The following GPATCH1 variants were observed in gnomAD, a reference collection of about 807,000 sequenced individuals.
GPATCH1 encodes the protein G-patch domain containing 1.
GPATCH1 carries 73 observed loss-of-function variants against 114.9 expected under a neutral mutation model. The observed-to-expected ratio is 0.64, with a 90% CI of 0.53 to 0.77. The LOEUF (loss-of-function observed/expected upper bound fraction) is 0.77. Among genes scored for constraint, GPATCH1 ranks in the 30% least tolerant of loss-of-function variants. The probability of loss-of-function intolerance (pLI) is 0.00; values close to 1 mark genes in which losing one functional copy is unlikely to be tolerated. For missense variants in GPATCH1, 1,058 were observed against 1,144.3 expected, an observed-to-expected ratio of 0.92 and a Z score of 1.09; for synonymous variants, 391 against 428.4, an observed-to-expected ratio of 0.91 and a Z score of 1.08.
chr19:33,091,235 C>A (rs974080995), intron 3 of GPATCH1, among the ~76,000 whole-genome samples: 10 of 151,948 alleles, frequency 6.6e-5, no homozygotes, highest in Admixed American at 6.6e-4. Flanking sequence ...CACGGTGAAA[C>A]CCCGTCTCTA....
chr19:33,119,612 C>T (rs982992709), intron 17 of GPATCH1, among the ~76,000 whole-genome samples: 4 of 151,602 alleles, frequency 2.6e-5, no homozygotes, highest in African/African-American at 4.8e-5. Flanking sequence ...GCAGAAGAAT[C>T]GCTTGAACCC....
At position 33,096,245 on chromosome 19, in the gene GPATCH1, T is replaced by G; in HGVS notation, c.651T>G (p.Phe217Leu). Residue 217 changes from phenylalanine to leucine, a missense_variant, in exon 7 of 20, where the codon TTT (phenylalanine) becomes TTG (leucine). Physicochemically the swap from Phe to Leu is conservative, Grantham distance 22. Coordinates refer to ENST00000170564, the MANE Select transcript of GPATCH1 (RefSeq NM_018025.3). ...ACTACTTGCCTGATAATGTGACCTT[T>G]GCACCCAAAGATGTCACACCTGTGG... ...DDDYLPDNVT[F>L]APKDVTPVDF... 1 of 1,613,776 alleles carries G rather than the reference T, an allele frequency of 6.2e-7. No individual in the cohort carries two copies. The highest frequency in any genetic ancestry group is 8.5e-7 in the Non-Finnish European group (1 of 1,179,640).
intron 15 of GPATCH1, among the ~76,000 whole-genome samples, chr19:33,116,906 G>A (rs1420571658): frequency 2.6e-5 from 4 of 151,948 alleles, no homozygotes; most frequent in African/African-American, 7.3e-5. Flanking sequence ...CATTCAAATT[G>A]TCCTCAGGCT....
intron 1 of GPATCH1, among the ~76,000 whole-genome samples, chr19:33,085,473 A>G (rs1972526223): frequency 6.6e-6 from 1 of 151,966 alleles, no homozygotes; most frequent in African/African-American, 2.4e-5. Flanking sequence ...GGGCCTCTCA[A>G]AGTGCTGGGA....
Position 33,130,351 on chromosome 19 carries a change from T to C in GPATCH1, c.*191T>C, listed in dbSNP as rs981731626. The stretch of plus-strand genomic sequence containing the variant: ...ATTGATTTCTATTTTTAATTTCAGT[T>C]AGTATCGGGGGAAAAAAATCCAGAC... On this transcript the variant is annotated 3_prime_UTR_variant, in exon 20 of 20. Transcript: ENST00000170564. 8 of 431,288 alleles carry C rather than the reference T, an allele frequency of 1.9e-5. No individual in the cohort carries two copies. The highest frequency in any genetic ancestry group is 3.3e-5 in the Non-Finnish European group (8 of 244,346). 26.7% of individuals were successfully genotyped at this position (431,288 alleles called of 1,614,324 possible). A position where few individuals can be genotyped will look rare whatever the true frequency, so the allele number is the denominator to read the frequency against.
chr19:33,083,376 C>T (rs902999261), intron 1 of GPATCH1, among the ~76,000 whole-genome samples: 2 of 150,616 alleles, frequency 1.3e-5, no homozygotes, highest in African/African-American at 4.9e-5. Flanking sequence ...CTCTCTACGC[C>T]TGGCCCCAAC....
rs1453226842 is a variant in GPATCH1, at chr19:33,081,266, G to A, written c.73G>A (p.Gly25Ser). ...GACCGGGCTGGAGCCTCTGGAAGAA[G>A]GTGCGGGCCGCGTGGGCCGGCGGAG... is the stretch of plus-strand genomic sequence containing the variant. Reference protein sequence around the residue: ...YGTGLEPLEEGERPKKPIPLQ... With the variant: ...YGTGLEPLEESERPKKPIPLQ... Residue 25 changes from glycine (G) to serine (S), a missense_variant and splice_region_variant, in exon 1 of 20, where the codon GGT becomes AGT. Gly to Ser is a moderately conservative substitution (Grantham distance 56). This residue lies in a region of GPATCH1 where 131 missense variants were observed against 107.2 expected (regional missense o/e 1.22). Transcript: ENST00000170564. The A allele has an allele frequency of 1.0e-5, 16 of 1,551,324 alleles. No individual in the cohort carries two copies. The highest frequency in any genetic ancestry group is 1.3e-5 in the Non-Finnish European group (15 of 1,146,700).
At position 33,081,325 on chromosome 19, in the gene GPATCH1, G is replaced by A. The variant is rs1972473626; in HGVS notation, c.73+59G>A. On this transcript the variant is annotated intron_variant, in intron 1 of 19. Coordinates refer to ENST00000170564, the MANE Select transcript of GPATCH1 (RefSeq NM_018025.3). ...AAACAGGCCAAGGGCCCAGGATTCGGGCCACAAAAGCACAAGTCGGTGCTG... is the reference window on the plus strand; with the variant it reads ...AAACAGGCCAAGGGCCCAGGATTCGAGCCACAAAAGCACAAGTCGGTGCTG... 19 of 1,388,464 alleles carry A rather than the reference G, an allele frequency of 1.4e-5. No homozygotes were observed. In the South Asian group the frequency reaches 2.1e-4, roughly 15 times the overall value. 86.0% of individuals were successfully genotyped at this position (1,388,464 alleles called of 1,614,324 possible).
chr19:33,100,902 G>A (rs1374256139), intron 8 of GPATCH1, among the ~76,000 whole-genome samples: 1 of 152,036 alleles, frequency 6.6e-6, no homozygotes, highest in Non-Finnish European at 1.5e-5. Flanking sequence ...TTTTGTTGGT[G>A]GGGTTGTCTC....
At chr19:33,124,668 TC>T (rs1973020226) in intron 17 of GPATCH1, among the ~76,000 whole-genome samples, 1 of 152,200 alleles carries the variant, frequency 6.6e-6, no homozygotes, top group Non-Finnish European at 1.5e-5. Context: ...ATTCTTATTG[TC>T]CCCATTTTAT....
intron 11 of GPATCH1, among the ~76,000 whole-genome samples, chr19:33,111,240 C>T (rs565116429): frequency 2.0e-5 from 3 of 151,422 alleles, no homozygotes; most frequent in Non-Finnish European, 4.4e-5. Context: ...AAAAATTAGC[C>T]GGGCATGGTG....
chr19:33,089,665 G>A (rs369493680), intron 2 of GPATCH1, among the ~76,000 whole-genome samples: 6 of 150,440 alleles, frequency 4.0e-5, no homozygotes, highest in East Asian at 1.9e-4. Flanking sequence ...CTGTCGCCCA[G>A]GCTGGAGTGC....
chr19:33,094,040 T>C, intron 4 of GPATCH1, 132 bp from the exon 5 acceptor site: 1 of 628,234 alleles, frequency 1.6e-6, no homozygotes. Context: ...TCACGCCAGA[T>C]GTAATGTGGG....
At chr19:33,129,965 C>G (rs892315414) in intron 19 of GPATCH1, among the ~76,000 whole-genome samples, 165 bp from the exon 20 acceptor site, 3 of 138,370 alleles carry the variant, frequency 2.2e-5, no homozygotes, top group African/African-American at 5.6e-5. Flanking sequence ...AAAAAAAAAG[C>G]ACAGATTAGG....
intron 9 of GPATCH1, 22 bp downstream of exon 9, chr19:33,101,596 T>C: frequency 8.0e-7 from 1 of 1,254,880 alleles, no homozygotes; most frequent in East Asian, 2.3e-5. Context: ...TTTTTTTCTT[T>C]CTTTTTTTAC....
rs749939299 is a variant in GPATCH1 at position 33,111,930 on chromosome 19, G to A, written c.1764+28G>A. ...CTGTTGTCACCATGTCCCTTACCTG[G>A]TGAACTTTAATATTAAAGCACTGCC... On this transcript the variant is annotated intron_variant, in intron 12 of 19. Transcript: ENST00000170564. 4.5e-6 allele frequency: 7 copies of A among 1,569,686 alleles called. 1 individual carries two copies. Among genetic ancestry groups the A allele is most frequent in the South Asian group, 2.2e-5 (2 of 88,976 alleles).
In GPATCH1 at chr19:33,114,405, T is replaced by C. The variant is rs778425885; in HGVS notation, c.2182T>C (p.Leu728=). 3.7e-6 allele frequency: 6 copies of C among 1,601,046 alleles called. No individual in the cohort carries two copies. The East Asian group carries it at 1.3e-4, about 36-fold the overall frequency. ...VNKEEEHAPE[L]SANQTVNKDV... ...CAAAGAGGAAGAGCATGCACCAGAA[T>C]TATCCGCAAATCAGGTATTTGGGGC... The change falls in exon 15 of 20, where the codon TTA becomes CTA. Residue 728 remains leucine (L), a synonymous_variant. Coordinates refer to ENST00000170564, the MANE Select transcript of GPATCH1 (RefSeq NM_018025.3).
At chr19:33,121,113 TTTTA>T (rs1025477063) in intron 17 of GPATCH1, among the ~76,000 whole-genome samples, 3 of 151,426 alleles carry the variant, frequency 2.0e-5, no homozygotes, top group African/African-American at 7.3e-5. Flanking sequence ...ATTTTTAAAA[TTTTA>T]TTTATTTATT....
At chr19:33,099,040 A>G (rs1455976761) in intron 8 of GPATCH1, among the ~76,000 whole-genome samples, 4 of 149,032 alleles carry the variant, frequency 2.7e-5, no homozygotes, top group Non-Finnish European at 5.9e-5. Context: ...AAATGAAGAT[A>G]TATTAATATA....
Sources: gnomAD v4.1 joint callset for allele counts (sites outside exome capture counted in the v4.1 genomes callset) on GRCh38, gnomAD v4.1.1 for gene constraint, gnomAD v4.1.1 regional missense constraint, MANE v1.5 for transcripts, NCBI Gene and HGNC (gene_info 2026-07-23, HGNC 2026-07-21) for gene names.